STARD10: variants seen among roughly 807,000 people sequenced by gnomAD.
The protein encoded by STARD10 is StAR related lipid transfer domain containing 10, also known as START domain-containing protein 10.
STARD10 carries 24 observed loss-of-function variants against 36.0 expected under a neutral mutation model. The observed-to-expected ratio is 0.67, with a 90% CI of 0.48 to 0.94. The LOEUF (loss-of-function observed/expected upper bound fraction) is 0.94. Ranked by LOEUF, STARD10 falls within the 40% of genes least tolerant of loss-of-function variation. STARD10 has a pLI of 0.00. For missense variants in STARD10, 335 were observed against 396.6 expected (o/e 0.84, Z 1.32); for synonymous variants, 156 against 161.9 (o/e 0.96, Z 0.28).
At chr11:72,759,625 C>T (rs1453740431) in intron 2 of STARD10, among the ~76,000 whole-genome samples, 2 of 152,196 alleles carry the variant, frequency 1.3e-5, no homozygotes, top group Non-Finnish European at 2.9e-5. Context: ...GCCCAGTCTC[C>T]TCCTCCAGGA....
At chr11:72,780,875 A>C in intron 2 of STARD10, 100 bp downstream of exon 2, 1 of 1,249,476 alleles carries the variant, frequency 8.0e-7, no homozygotes, top group Non-Finnish European at 1.2e-6. Flanking sequence ...CTGGGCCCAG[A>C]TATACAGCCA....
chr11:72,789,591 T>C (rs1234130433), intron 1 of STARD10, among the ~76,000 whole-genome samples: 2 of 151,850 alleles, frequency 1.3e-5, no homozygotes, highest in Non-Finnish European at 2.9e-5. Context: ...GCACAGGGGG[T>C]CTGGCCATGT....
Position 72,781,077 on chromosome 11 carries a change from T to C in STARD10, c.105A>G (p.Ser35=). ...PDDQDFRSFR[S]ECEAEVGWNL... Reference sequence around the variant, plus strand: ...TCCAGCCCACCTCAGCCTCACACTCTGACCGGAAGCTGCGAAAGTCTTGGT... The same window carrying C: ...TCCAGCCCACCTCAGCCTCACACTCCGACCGGAAGCTGCGAAAGTCTTGGT... The change falls in exon 2 of 7, where the codon TCA becomes TCG. Residue 35 remains serine (S), a synonymous_variant. Coordinates refer to ENST00000334805, the MANE Select transcript of STARD10 (RefSeq NM_006645.3). The surrounding 1 kb of genome is among the most constrained non-coding windows in gnomAD (Gnocchi z 4.7). The C allele has an allele frequency of 6.2e-7, 1 of 1,614,116 alleles. No individual in the cohort carries two copies. Among genetic ancestry groups the C allele is most frequent in the Non-Finnish European group, 8.5e-7 (1 of 1,180,032 alleles).
intron 2 of STARD10, among the ~76,000 whole-genome samples, chr11:72,779,363 G>A (rs888672619): frequency 1.3e-5 from 2 of 152,172 alleles, no homozygotes; most frequent in African/African-American, 2.4e-5. Context: ...AGGCTGAAGC[G>A]GGTGGATCAC....
intron 1 of STARD10, among the ~76,000 whole-genome samples, chr11:72,789,661 C>T (rs1035038030): frequency 2.6e-5 from 4 of 152,144 alleles, no homozygotes; most frequent in African/African-American, 9.7e-5. Flanking sequence ...CTCCCAGGAC[C>T]GCGTGAGGAC....
chr11:72,780,871 C>T (rs915894509), intron 2 of STARD10, 104 bp downstream of exon 2: 11 of 1,221,550 alleles, frequency 9.0e-6, no homozygotes, highest in Non-Finnish European at 1.3e-5. Context: ...CTCTCTGGGC[C>T]CAGATATACA....
Position 72,781,205 on chromosome 11 carries a change from C to T in STARD10, c.-24G>A, listed in dbSNP as rs768458130. On this transcript the variant is annotated 5_prime_UTR_variant, in exon 2 of 7. Transcript: ENST00000334805. This position sits in a 1 kb window ranked among gnomAD's most constrained non-coding sequence, Gnocchi z 4.7. ...ATGGGGAGTGTGGGGAGGCCCAGGGCCCTGGTCCTAGTCCGGCTCTCCTGG... is the reference window on the plus strand; with the variant it reads ...ATGGGGAGTGTGGGGAGGCCCAGGGTCCTGGTCCTAGTCCGGCTCTCCTGG... 1 of 1,598,228 alleles carries T rather than the reference C, an allele frequency of 6.3e-7. No homozygotes were observed. The highest frequency in any genetic ancestry group is 1.1e-5 in the South Asian group (1 of 90,950).
intron 2 of STARD10, among the ~76,000 whole-genome samples, chr11:72,772,951 A>G (rs888602254): frequency 6.6e-6 from 1 of 152,082 alleles, no homozygotes; most frequent in African/African-American, 2.4e-5. Flanking sequence ...CTGTCCCCAC[A>G]CTGCTCACAA....
chr11:72,785,560 CAAAAAAAAAAAA>C (rs869274892), intron 1 of STARD10, among the ~76,000 whole-genome samples: 1 of 41,536 alleles, frequency 2.4e-5, no homozygotes, highest in African/African-American at 1.1e-4. Context: ...GGCTCTGTCT[CAAAAAAAAAAAA>C]AAAAAAAAAA....
rs142227843 is a variant in STARD10, at chr11:72,766,531, G to A, written c.208-7150C>T. Among the ~76,000 whole-genome samples, 893 of 152,300 alleles carry A rather than the reference G, an allele frequency of 5.9e-3. 5 individuals carry two copies. The highest frequency in any genetic ancestry group is 0.014 in the South Asian group (66 of 4,824). ...GGAAAGGGCATTTCAGCAGGGGGAC[G>A]AGTGGTGCAAAGGCCTGGAGGCTTA... On this transcript the variant is annotated intron_variant, in intron 2 of 6. Coordinates refer to ENST00000334805, the MANE Select transcript of STARD10 (RefSeq NM_006645.3).
intron 1 of STARD10, chr11:72,785,749 C>G (rs1859064077): frequency 6.6e-6 from 1 of 152,620 alleles, no homozygotes; most frequent in Non-Finnish European, 1.5e-5. Flanking sequence ...CCCAACCTGC[C>G]CAGTGTCCTG....
At chr11:72,791,184 G>C (rs1315683892) in intron 1 of STARD10, among the ~76,000 whole-genome samples, 1 of 152,174 alleles carries the variant, frequency 6.6e-6, no homozygotes, top group South Asian at 2.1e-4. Flanking sequence ...GGCTCAGAGA[G>C]GGGCAGGGAC....
At chr11:72,762,714 G>T (rs1858737503) in intron 2 of STARD10, among the ~76,000 whole-genome samples, 1 of 152,186 alleles carries the variant, frequency 6.6e-6, no homozygotes, top group South Asian at 2.1e-4. Flanking sequence ...CATGGGCTGG[G>T]TCGGGGGATC....
intron 1 of STARD10, among the ~76,000 whole-genome samples, chr11:72,784,084 C>T (rs1859041405): frequency 6.6e-6 from 1 of 152,198 alleles, no homozygotes; most frequent in Non-Finnish European, 1.5e-5. Context: ...TTAATTTGCC[C>T]TTGCAAATGC....
rs1059000 is a variant in STARD10, at chr11:72,793,927, G to C, written c.-1166C>G. On this transcript the variant is annotated 5_prime_UTR_variant, in exon 1 of 7. Transcript: ENST00000334805. The stretch of plus-strand genomic sequence containing the variant: ...CACAGCCCAACAACGGCGGCGATCT[G>C]AGGAGAGGCAGGAGAAAATACGGCG... The C allele has an allele frequency of 0.14, 20,898 of 152,264 alleles. 1,905 individuals carry two copies. Among genetic ancestry groups the C allele is most frequent in the South Asian group, 0.22 (1,053 of 4,820 alleles). The allele number at this position is 152,264 out of a possible 1,614,324, so 9.4% of individuals were successfully genotyped here.
intron 2 of STARD10, among the ~76,000 whole-genome samples, chr11:72,767,357 C>A (rs1167102130): frequency 6.6e-6 from 1 of 152,194 alleles, no homozygotes; most frequent in African/African-American, 2.4e-5. Context: ...GCAGATATTG[C>A]CTCTGACCCT....
At chr11:72,772,889 G>A (rs555318404) in intron 2 of STARD10, among the ~76,000 whole-genome samples, 44 of 152,086 alleles carry the variant, frequency 2.9e-4, no homozygotes, top group Middle Eastern at 6.8e-3. Context: ...CCCCTGTACC[G>A]TCCCCCAACC....
rs573994961 is a variant in STARD10, at chr11:72,756,181, C to A, written c.578-428G>T. On this transcript the variant is annotated intron_variant, in intron 5 of 6. Transcript: ENST00000334805. The stretch of plus-strand genomic sequence containing the variant: ...AGTCCTCCCCTGACCACACAGGCCT[C>A]TGGCTGAGCACCCCAGCCTGGCCTG... Among the ~76,000 whole-genome samples, 64 of 152,314 alleles carry A rather than the reference C, an allele frequency of 4.2e-4. 1 individual carries two copies. Among genetic ancestry groups the A allele is most frequent in the African/African-American group, 1.5e-3 (63 of 41,546 alleles).
At chr11:72,775,735 C>T (rs1414818886) in intron 2 of STARD10, among the ~76,000 whole-genome samples, 1 of 152,018 alleles carries the variant, frequency 6.6e-6, no homozygotes, top group Non-Finnish European at 1.5e-5. Context: ...TTGCCCTCTC[C>T]ATCCCCCACC....
Sources: gnomAD v4.1 joint callset for allele counts (sites outside exome capture counted in the v4.1 genomes callset) on GRCh38, gnomAD v4.1.1 for gene constraint, Gnocchi (gnomAD v3.1) non-coding constraint, MANE v1.5 for transcripts, NCBI Gene and HGNC (gene_info 2026-07-23, HGNC 2026-07-21) for gene names.